TESC: variants seen among roughly 807,000 people sequenced by gnomAD.
The protein encoded by TESC is tescalcin, also known as calcineurin B homologous protein 3.
Under a neutral mutation model 31.0 loss-of-function variants are expected in TESC, and 19 were observed. That is an observed-to-expected ratio of 0.61 (90% CI 0.43 to 0.90). The LOEUF (loss-of-function observed/expected upper bound fraction) is 0.90, where lower values mean the gene tolerates loss of function less well. TESC is among the 40% of genes least tolerant of loss of function. TESC has a pLI of 0.00. For synonymous variants in TESC, 109 were observed against 114.8 expected, an observed-to-expected ratio of 0.95 and a Z score of 0.32; for missense variants, 248 against 303.8, an observed-to-expected ratio of 0.82 and a Z score of 1.36.
At chr12:117,099,035 G>A (rs1235402419) in intron 1 of TESC, among the ~76,000 whole-genome samples, 190 bp downstream of exon 1, 1 of 152,154 alleles carries the variant, frequency 6.6e-6, no homozygotes, top group African/African-American at 2.4e-5. Flanking sequence ...ACTGAGCATC[G>A]CCGCGGAGCT....
At chr12:117,075,939 A>ATATATATATATGTGTGTG (rs1565971757) in intron 1 of TESC, among the ~76,000 whole-genome samples, 5 of 104,012 alleles carry the variant, frequency 4.8e-5, no homozygotes, top group African/African-American at 2.4e-4. Flanking sequence ...ATATATATAT[A>ATATATATATATGTGTGTG]TGTATATATA....
intron 1 of TESC, among the ~76,000 whole-genome samples, chr12:117,085,407 G>T (rs1955207411): frequency 6.6e-6 from 1 of 152,162 alleles, no homozygotes; most frequent in Non-Finnish European, 1.5e-5. Flanking sequence ...GCCGCCCAGG[G>T]TGAGGGTCGG....
At chr12:117,053,322 G>C (rs1237714761) in intron 3 of TESC, among the ~76,000 whole-genome samples, 1 of 152,120 alleles carries the variant, frequency 6.6e-6, no homozygotes, top group Non-Finnish European at 1.5e-5. Flanking sequence ...AAACAGAGAG[G>C]CATCTGCCCC....
intron 2 of TESC, among the ~76,000 whole-genome samples, chr12:117,064,312 A>G (rs1954841955): frequency 6.6e-6 from 1 of 152,226 alleles, no homozygotes; most frequent in African/African-American, 2.4e-5. Flanking sequence ...TGTGCTAGGC[A>G]ATTCTCCTAT....
intron 2 of TESC, among the ~76,000 whole-genome samples, chr12:117,063,080 G>A (rs1954820562): frequency 6.6e-6 from 1 of 152,212 alleles, no homozygotes; most frequent in South Asian, 2.1e-4. Flanking sequence ...ATCAAGCTGT[G>A]CTAAGCACTG....
At position 117,075,271 on chromosome 12, in the gene TESC, C is replaced by G. The variant is rs753793791; in HGVS notation, c.128G>C (p.Arg43Pro). 6.2e-7 allele frequency: 1 copy of G among 1,612,300 alleles called. No individual in the cohort carries two copies. Among genetic ancestry groups the G allele is most frequent in the Non-Finnish European group, 8.5e-7 (1 of 1,179,788 alleles). Residue 43 changes from arginine (R) to proline (P), a missense_variant and splice_region_variant, in exon 2 of 8, where the codon CGC (arginine) becomes CCC (proline). Physicochemically the swap from Arg to Pro is moderately radical, Grantham distance 103. Coordinates refer to ENST00000335209, the MANE Select transcript of TESC (RefSeq NM_017899.4). ...KQLSGDQPTI[R>P]KENFNNVPDL... ...CACCCAAACCCGCTGCCAATCTTAC[C>G]GAATGGTAGGCTGATCTCCACTCAG...
At chr12:117,047,687 G>GTAATCACACC (rs1954587774) in intron 4 of TESC, among the ~76,000 whole-genome samples, 1 of 152,090 alleles carries the variant, frequency 6.6e-6, no homozygotes, top group Non-Finnish European at 1.5e-5. Context: ...GCCTCCCAAA[G>GTAATCACACC]TGCTGGGATT....
At position 117,049,101 on chromosome 12, in the gene TESC, C is replaced by T. The variant is rs758234232; in HGVS notation, c.267G>A (p.Leu89=). Reference sequence around the variant, plus strand: ...TGGGCCGGAAGTAGGACATGATGGTCAGGAAGTCCTCGAAATTGATCTCAT... The same window carrying T: ...TGGGCCGGAAGTAGGACATGATGGTTAGGAAGTCCTCGAAATTGATCTCAT... ...LADEINFEDF[L]TIMSYFRPID... The change falls in exon 4 of 8, where the codon CTG becomes CTA. Residue 89 remains leucine (L), a synonymous_variant. Transcript: ENST00000335209. 1.2e-6 allele frequency: 2 copies of T among 1,614,234 alleles called. No individual in the cohort carries two copies. The highest frequency in any genetic ancestry group is 1.7e-6 in the Non-Finnish European group (2 of 1,180,052).
chr12:117,097,083 C>CT (rs1461483855), intron 1 of TESC, among the ~76,000 whole-genome samples: 1 of 152,196 alleles, frequency 6.6e-6, no homozygotes. Flanking sequence ...TCCGAGTCAT[C>CT]TCTAAATCCC....
At chr12:117,067,540 C>A (rs1228750940) in intron 2 of TESC, among the ~76,000 whole-genome samples, 1 of 152,136 alleles carries the variant, frequency 6.6e-6, no homozygotes, top group East Asian at 1.9e-4. Context: ...CCACTGCACC[C>A]CAGTCTGGAC....
At chr12:117,077,947 C>A (rs560952678) in intron 1 of TESC, among the ~76,000 whole-genome samples, 6 of 150,882 alleles carry the variant, frequency 4.0e-5, no homozygotes, top group Non-Finnish European at 7.4e-5. Flanking sequence ...TATATCACGA[C>A]AAAACATTTA....
At chr12:117,070,532 C>T (rs7954608) in intron 2 of TESC, among the ~76,000 whole-genome samples, 7 of 151,748 alleles carry the variant, frequency 4.6e-5, no homozygotes, top group Non-Finnish European at 8.8e-5. Flanking sequence ...ACCTCCCCCA[C>T]CCCCAGTAGC....
intron 1 of TESC, among the ~76,000 whole-genome samples, chr12:117,080,634 TGAGA>T (rs1955133059): frequency 6.6e-6 from 1 of 152,134 alleles, no homozygotes. Flanking sequence ...GCACAGTAAC[TGAGA>T]GAAAGGATGA....
chr12:117,079,795 CA>C (rs1269271101), intron 1 of TESC, among the ~76,000 whole-genome samples: 6 of 152,038 alleles, frequency 3.9e-5, no homozygotes, highest in African/African-American at 1.4e-4. Flanking sequence ...AAAAATGTTC[CA>C]AAATTATATT....
chr12:117,063,321 G>A (rs776090173), intron 2 of TESC, among the ~76,000 whole-genome samples: 13 of 152,176 alleles, frequency 8.5e-5, no homozygotes, highest in East Asian at 7.7e-4. Flanking sequence ...GAGAAAGAGC[G>A]AGGCATCTGC....
chr12:117,066,473 G>A (rs1028674508), intron 2 of TESC, among the ~76,000 whole-genome samples: 2 of 150,778 alleles, frequency 1.3e-5, no homozygotes, highest in South Asian at 2.1e-4. Flanking sequence ...CCGGGTTCAC[G>A]CCATTCTCCT....
chr12:117,085,298 G>T (rs1955205779), intron 1 of TESC, among the ~76,000 whole-genome samples: 1 of 152,194 alleles, frequency 6.6e-6, no homozygotes, highest in Non-Finnish European at 1.5e-5. Flanking sequence ...ATTTGGACTT[G>T]CCCTGAGTCT....
At chr12:117,077,785 G>A (rs1176518881) in intron 1 of TESC, among the ~76,000 whole-genome samples, 1 of 152,220 alleles carries the variant, frequency 6.6e-6, no homozygotes. Flanking sequence ...AGGATGAGAT[G>A]AGGAGGAGTA....
chr12:117,087,862 A>C (rs914528580), intron 1 of TESC, among the ~76,000 whole-genome samples: 4 of 152,208 alleles, frequency 2.6e-5, no homozygotes, highest in African/African-American at 9.7e-5. Context: ...ATAATAATAT[A>C]ATAACCACCA....
Sources: allele counts gnomAD v4.1 joint callset (sites outside exome capture counted in the v4.1 genomes callset), GRCh38; gene constraint gnomAD v4.1.1; transcripts MANE v1.5; gene names NCBI Gene and HGNC (gene_info 2026-07-23, HGNC 2026-07-21).